Variants in ZDHHC7 observed in about 807,000 individuals in gnomAD.
The protein encoded by ZDHHC7 is zDHHC palmitoyltransferase 7, also known as palmitoyltransferase ZDHHC7.
Under a neutral mutation model 34.1 loss-of-function variants are expected in ZDHHC7, and 12 were observed. The observed-to-expected ratio is 0.35, with a 90% CI of 0.23 to 0.57. ZDHHC7 has a LOEUF of 0.57. Among genes scored for constraint, ZDHHC7 ranks in the 20% least tolerant of loss-of-function variants. The probability of loss-of-function intolerance (pLI) is 0.84; values close to 1 mark genes in which losing one functional copy is unlikely to be tolerated. For synonymous variants in ZDHHC7, 185 were observed against 155.4 expected (o/e 1.19, Z -1.42); for missense variants, 388 against 402.7 (o/e 0.96, Z 0.31).
intron 1 of ZDHHC7, among the ~76,000 whole-genome samples, chr16:84,999,929 A>C (rs2072631855): frequency 6.6e-6 from 1 of 152,152 alleles, no homozygotes; most frequent in South Asian, 2.1e-4. Flanking sequence ...GGATCACTTA[A>C]GCCCAAGAGT....
At chr16:85,025,115 TA>T in the ZDHHC7 span, among the ~76,000 whole-genome samples, 12 of 152,048 alleles carry the variant, frequency 7.9e-5, no homozygotes, top group South Asian at 2.5e-3. Context: ...CCATCTCTAC[TA>T]AAAATACAAA....
intron 7 of ZDHHC7, among the ~76,000 whole-genome samples, chr16:84,976,766 G>A (rs1373744316): frequency 3.9e-5 from 6 of 152,228 alleles, no homozygotes; most frequent in South Asian, 2.1e-4. Context: ...TTTGTCGCTC[G>A]TTAGTTACTG....
Position 84,981,832 on chromosome 16 carries a change from G to A in ZDHHC7, c.440+38C>T, listed in dbSNP as rs763724321. 4.0e-5 allele frequency: 65 copies of A among 1,612,754 alleles called. 2 individuals carry two copies. The South Asian group carries it at 6.7e-4, about 17-fold the overall frequency. On this transcript the variant is annotated intron_variant, in intron 4 of 7. Transcript: ENST00000313732. Reference sequence around the variant, plus strand: ...ATACAGCAGCACACGTACCCGCAGTGGCGGATGCGCTCGGGTTTAATACAG... The same window carrying A: ...ATACAGCAGCACACGTACCCGCAGTAGCGGATGCGCTCGGGTTTAATACAG...
the ZDHHC7 span, among the ~76,000 whole-genome samples, chr16:85,026,810 G>A: frequency 6.6e-6 from 1 of 151,822 alleles, no homozygotes; most frequent in Non-Finnish European, 1.5e-5. Context: ...CTACCAGAAG[G>A]AGCATTATAG....
chr16:84,993,424 G>C (rs1242888434), intron 2 of ZDHHC7, among the ~76,000 whole-genome samples: 1 of 152,046 alleles, frequency 6.6e-6, no homozygotes, highest in Non-Finnish European at 1.5e-5. Context: ...TTGAGCCCAG[G>C]AGTTTGAGAC....
intron 5 of ZDHHC7, among the ~76,000 whole-genome samples, chr16:84,978,508 C>A (rs572915426): frequency 1.5e-4 from 23 of 152,126 alleles, no homozygotes; most frequent in African/African-American, 5.5e-4. Flanking sequence ...CCAAGACGGG[C>A]AGATGGCTTG....
intron 5 of ZDHHC7, 63 bp from the exon 6 acceptor site, chr16:84,978,068 C>G (rs2072321364): frequency 1.5e-6 from 2 of 1,339,560 alleles, no homozygotes; most frequent in Non-Finnish European, 2.1e-6. Flanking sequence ...AACAGAGTCT[C>G]CCTCTGTTGT....
chr16:84,987,599 A>G (rs755831541), intron 3 of ZDHHC7, among the ~76,000 whole-genome samples: 4 of 152,238 alleles, frequency 2.6e-5, no homozygotes, highest in Non-Finnish European at 4.4e-5. Context: ...ACTCCTAGGT[A>G]TATACCCAAG....
chr16:84,998,610 G>T (rs2072614045), intron 1 of ZDHHC7, among the ~76,000 whole-genome samples: 1 of 152,132 alleles, frequency 6.6e-6, no homozygotes, highest in African/African-American at 2.4e-5. Flanking sequence ...CCCGCTCTGT[G>T]GAGGTCCCTG....
At chr16:85,008,673 C>A (rs114898780) in intron 1 of ZDHHC7, among the ~76,000 whole-genome samples, 1,710 of 152,022 alleles carry the variant, frequency 0.011, 48 homozygotes, top group African/African-American at 0.038. Context: ...TAACACTGAC[C>A]CTGGAGACTA....
upstream of ZDHHC7, among the ~76,000 whole-genome samples, chr16:85,011,887 A>C (rs2072799480): frequency 6.6e-6 from 1 of 152,174 alleles, no homozygotes; most frequent in African/African-American, 2.4e-5. Context: ...GACCGAAGGA[A>C]ATGGGAAAGT....
At position 85,011,502 on chromosome 16, in the gene ZDHHC7, G is replaced by C. The variant is rs1482444921; in HGVS notation, c.-320C>G. 6.6e-6 allele frequency: 1 copy of C among 152,258 alleles called. No homozygotes were observed. The highest frequency in any genetic ancestry group is 1.5e-5 in the Non-Finnish European group (1 of 68,062). The allele number at this position is 152,258 out of a possible 1,614,324, so 9.4% of individuals were successfully genotyped here. On this transcript the variant is annotated 5_prime_UTR_variant, in exon 1 of 8. Transcript: ENST00000313732. ...AGCAAATGCCTCAGCCCGGAGCCTT[G>C]GCTGGAGAGCGGGGCGGTGCGAGCG...
chr16:85,013,511 G>A (rs1453604572), upstream of ZDHHC7, among the ~76,000 whole-genome samples: 1 of 151,990 alleles, frequency 6.6e-6, no homozygotes, highest in African/African-American at 2.4e-5. Flanking sequence ...CCAAAGTGCT[G>A]GGATTGTAGG....
the ZDHHC7 span, among the ~76,000 whole-genome samples, chr16:85,023,849 A>T: frequency 6.6e-6 from 1 of 151,814 alleles, no homozygotes; most frequent in Non-Finnish European, 1.5e-5. Flanking sequence ...CAAACTCCTG[A>T]GCTCAGGTGA....
intron 2 of ZDHHC7, among the ~76,000 whole-genome samples, chr16:84,992,074 G>A (rs2072516830): frequency 6.6e-6 from 1 of 151,824 alleles, no homozygotes; most frequent in Admixed American, 6.6e-5. Context: ...TACTCGGGAG[G>A]CTGAGGCAGG....
chr16:85,000,179 T>C (rs912143483), intron 1 of ZDHHC7, among the ~76,000 whole-genome samples: 44 of 152,046 alleles, frequency 2.9e-4, no homozygotes, highest in African/African-American at 1.0e-3. Flanking sequence ...CACTGTACAT[T>C]AATCATGCCT....
chr16:85,000,307 T>C lies in ZDHHC7; in HGVS notation c.-103-4300A>G, dbSNP rs531922703. Among the ~76,000 whole-genome samples, 60 of 152,300 alleles carry C rather than the reference T, an allele frequency of 3.9e-4. 1 individual carries two copies. In the South Asian group the frequency reaches 0.012, roughly 29 times the overall value. On this transcript the variant is annotated intron_variant, in intron 1 of 7. Coordinates refer to ENST00000313732, the MANE Select transcript of ZDHHC7 (RefSeq NM_017740.3). ...CGAGCAGTGGAGTCACTTTTCTTCC[T>C]GGATAACCCGCGTTCCTGAGTCCAG...
the ZDHHC7 span, among the ~76,000 whole-genome samples, chr16:85,024,594 G>A: frequency 9.2e-5 from 14 of 152,108 alleles, no homozygotes; most frequent in Admixed American, 3.3e-4. Context: ...CCTCCTTCCC[G>A]TGTCCTTTGT....
chr16:85,021,755 G>C, the ZDHHC7 span, among the ~76,000 whole-genome samples: 2 of 151,048 alleles, frequency 1.3e-5, no homozygotes, highest in South Asian at 4.2e-4. Context: ...GAACAAGAGA[G>C]AGAGAAAGAG....
Sources: gnomAD v4.1 joint callset for allele counts (sites outside exome capture counted in the v4.1 genomes callset) on GRCh38, gnomAD v4.1.1 for gene constraint, MANE v1.5 for transcripts, NCBI Gene and HGNC (gene_info 2026-07-23, HGNC 2026-07-21) for gene names.